The following COL4A2 variants were observed in gnomAD, a reference collection of about 807,000 sequenced individuals.
COL4A2 encodes collagen alpha-2(IV) chain.
Under a neutral mutation model 200.2 loss-of-function variants are expected in COL4A2, and 99 were observed. The observed-to-expected ratio is 0.49, with a 90% CI of 0.42 to 0.58. The LOEUF (loss-of-function observed/expected upper bound fraction) is 0.58, where lower values mean the gene tolerates loss of function less well. COL4A2 is among the 20% of genes least tolerant of loss of function. COL4A2 has a pLI of 0.00. For missense variants in COL4A2, 1,950 were observed against 2,314.1 expected, an observed-to-expected ratio of 0.84 and a Z score of 3.23; for synonymous variants, 897 against 900.6, an observed-to-expected ratio of 1.00 and a Z score of 0.07.
chr13:110,495,439 A>G lies in COL4A2; in HGVS notation c.3732A>G (p.Pro1244=). Residue 1244 remains proline, a synonymous_variant, in exon 40 of 48, where the codon CCA becomes CCG. Coordinates refer to ENST00000360467, the MANE Select transcript of COL4A2 (RefSeq NM_001846.4). ...ANTLPGPVGV[P]GQKGDQGAPG... ...CCCTTCCAGGCCCTGTGGGAGTCCC[A>G]GGACAGAAAGGAGACCAAGGAGCTC... The G allele has an allele frequency of 6.2e-7, 1 of 1,613,218 alleles. No individual in the cohort carries two copies. The highest frequency in any genetic ancestry group is 8.5e-7 in the Non-Finnish European group (1 of 1,179,798).
rs143477722 is a variant in COL4A2, at chr13:110,322,896, T to C, written c.99+14773T>C. ...GTTAAGGTTTCTCTGCAGGCGCAGC[T>C]GGCAGCATGATCAGAGGCTACTGAG... On this transcript the variant is annotated intron_variant, in intron 3 of 47. Transcript: ENST00000360467. Among the ~76,000 whole-genome samples, 45 of 152,348 alleles carry C rather than the reference T, an allele frequency of 3.0e-4. 1 individual carries two copies. The East Asian group carries it at 8.5e-3, about 29-fold the overall frequency.
At position 110,473,021 on chromosome 13, in the gene COL4A2, C is replaced by A. The variant is rs749389413; in HGVS notation, c.2296C>A (p.Pro766Thr). ...CATCGGCCTGCCAGGGCCAGATGGGCCCCCTGGGGAAAGGGGCCTCCCTGG... is the reference window on the plus strand; with the variant it reads ...CATCGGCCTGCCAGGGCCAGATGGGACCCCTGGGGAAAGGGGCCTCCCTGG... ...GPIGLPGPDGPPGERGLPGEV... is the reference protein window; with the variant it reads ...GPIGLPGPDGTPGERGLPGEV... The change falls in exon 29 of 48, where the codon CCC becomes ACC. Residue 766 changes from proline to threonine, a missense_variant. Pro to Thr is a conservative substitution (Grantham distance 38). Coordinates refer to ENST00000360467, the MANE Select transcript of COL4A2 (RefSeq NM_001846.4). 3.0e-5 allele frequency: 45 copies of A among 1,515,648 alleles called. No individual in the cohort carries two copies. The highest frequency in any genetic ancestry group is 3.9e-5 in the Non-Finnish European group (44 of 1,132,300). 93.9% of individuals were successfully genotyped at this position (1,515,648 alleles called of 1,614,324 possible).
At chr13:110,344,211 T>A (rs963200271) in intron 3 of COL4A2, among the ~76,000 whole-genome samples, 8 of 152,214 alleles carry the variant, frequency 5.3e-5, no homozygotes, top group Non-Finnish European at 7.3e-5. Context: ...CACTTCTAAC[T>A]ATGATTACAT....
intron 4 of COL4A2, among the ~76,000 whole-genome samples, chr13:110,363,947 C>T (rs1237702199): frequency 2.6e-5 from 4 of 152,236 alleles, no homozygotes; most frequent in African/African-American, 7.2e-5. Context: ...GTGAGCCGCC[C>T]GCCTCGGCCT....
At chr13:110,480,464 C>G in intron 31 of COL4A2, 74 bp downstream of exon 31, 1 of 1,470,034 alleles carries the variant, frequency 6.8e-7, no homozygotes, top group South Asian at 1.4e-5. Context: ...TGAGACAGCT[C>G]TGCTGGGCGC....
intron 4 of COL4A2, among the ~76,000 whole-genome samples, chr13:110,368,873 A>G (rs539254429): frequency 1.3e-5 from 2 of 151,636 alleles, no homozygotes; most frequent in South Asian, 4.2e-4. Flanking sequence ...TGAGCTCAAT[A>G]ATAGCATTAG....
rs1175809032 is a variant in COL4A2, at chr13:110,511,879, C to T, written c.4882-55C>T. On this transcript the variant is annotated intron_variant, in intron 47 of 47. Transcript: ENST00000360467. Reference sequence around the variant, plus strand: ...ACAGAAGAGGGCTATGCCCTGACCCCGTGCCACCTGCAGGCTGTGATTCCT... The same window carrying T: ...ACAGAAGAGGGCTATGCCCTGACCCTGTGCCACCTGCAGGCTGTGATTCCT... 37 of 1,610,844 alleles carry T rather than the reference C, an allele frequency of 2.3e-5. No individual in the cohort carries two copies. The South Asian group carries it at 2.5e-4, about 11-fold the overall frequency.
intron 11 of COL4A2, among the ~76,000 whole-genome samples, chr13:110,433,136 C>A (rs6492272): frequency 0.011 from 1,672 of 152,370 alleles, 30 homozygotes; most frequent in African/African-American, 0.038. Context: ...ATTGCTGTGA[C>A]CCCTGGTGAC....
At position 110,357,519 on chromosome 13, in the gene COL4A2, G is replaced by A; in HGVS notation, c.147G>A (p.Gly49=). Residue 49 remains glycine (G), a synonymous_variant, in exon 4 of 48, where the codon GGG becomes GGA. Transcript: ENST00000360467. ...CGTGTGGAGGAAGAGATTGCAGTGG[G>A]GGCTGCCAGTGCTACCCTGAGAAAG... The part of the protein sequence containing the change: ...DVPCGGRDCS[G]GCQCYPEKGG... The A allele has an allele frequency of 6.3e-7, 1 of 1,593,110 alleles. No homozygotes were observed. The highest frequency in any genetic ancestry group is 1.1e-5 in the South Asian group (1 of 87,904).
At chr13:110,436,506 C>A in intron 13 of COL4A2, 139 bp downstream of exon 13, 1 of 1,167,920 alleles carries the variant, frequency 8.6e-7, no homozygotes, top group Non-Finnish European at 1.2e-6. Flanking sequence ...GAAAACATAA[C>A]CGGGTCCTCC....
chr13:110,482,701 G>A lies in COL4A2; in HGVS notation c.2902+42G>A, dbSNP rs1489006955. The A allele has an allele frequency of 3.8e-6, 6 of 1,594,028 alleles. No individual in the cohort carries two copies. The South Asian group carries it at 5.5e-5, about 15-fold the overall frequency. ...ACATCCTCCTTACCTGGTCATGGTG[G>A]CATCCTCCTTACCCTTTCTTGGTGG... On this transcript the variant is annotated intron_variant, in intron 32 of 47. Transcript: ENST00000360467.
intron 30 of COL4A2, among the ~76,000 whole-genome samples, chr13:110,478,624 G>A (rs1882783584): frequency 6.6e-6 from 1 of 152,268 alleles, no homozygotes; most frequent in Admixed American, 6.5e-5. Context: ...GGCCCAGAAG[G>A]CAGGCAGGGC....
intron 29 of COL4A2, among the ~76,000 whole-genome samples, chr13:110,474,258 G>C (rs1323365855): frequency 1.3e-5 from 2 of 152,234 alleles, no homozygotes; most frequent in Non-Finnish European, 2.9e-5. Flanking sequence ...TGTGGTGTGG[G>C]AAGCAGGTGT....
intron 39 of COL4A2, among the ~76,000 whole-genome samples, 180 bp from the exon 40 acceptor site, chr13:110,495,162 G>C (rs924311785): frequency 6.6e-6 from 1 of 152,192 alleles, no homozygotes; most frequent in Non-Finnish European, 1.5e-5. Flanking sequence ...ATCTCTGTAA[G>C]ATCCCTTCCA....
At chr13:110,414,386 C>T (rs561518629) in intron 4 of COL4A2, among the ~76,000 whole-genome samples, 1 of 152,336 alleles carries the variant, frequency 6.6e-6, no homozygotes, top group East Asian at 1.9e-4. Context: ...CCTTGACTCC[C>T]AAACTGCTAG....
At chr13:110,446,897 A>ATTG in intron 18 of COL4A2, 33 bp downstream of exon 18, 8 of 1,571,788 alleles carry the variant, frequency 5.1e-6, no homozygotes, top group Non-Finnish European at 7.0e-6. Context: ...ATAGTTCAGC[A>ATTG]TCGCATACAC....
chr13:110,466,981 G>T, intron 26 of COL4A2, 59 bp from the exon 27 acceptor site: 2 of 1,611,014 alleles, frequency 1.2e-6, no homozygotes, highest in African/African-American at 1.3e-5. Context: ...GATCCCCAAG[G>T]CCGTGGGACT....
At chr13:110,460,644 C>G (rs1881989439) in intron 22 of COL4A2, among the ~76,000 whole-genome samples, 1 of 152,218 alleles carries the variant, frequency 6.6e-6, no homozygotes, top group Non-Finnish European at 1.5e-5. Context: ...GCACTGAATT[C>G]TATGATTGTG....
chr13:110,322,710 GTCACTGCCCT>G (rs1885308019), intron 3 of COL4A2, among the ~76,000 whole-genome samples: 1 of 152,200 alleles, frequency 6.6e-6, no homozygotes, highest in South Asian at 2.1e-4. Context: ...TCCACCTCTG[GTCACTGCCCT>G]TCTTCCCTGC....
Sources: gnomAD v4.1 joint callset for allele counts (sites outside exome capture counted in the v4.1 genomes callset) on GRCh38, gnomAD v4.1.1 for gene constraint, MANE v1.5 for transcripts, NCBI Gene and HGNC (gene_info 2026-07-23, HGNC 2026-07-21) for gene names.